AFF4: variants seen among roughly 807,000 people sequenced by gnomAD.
The protein encoded by AFF4 is ALF transcription elongation factor 4, also known as AF4/FMR2 family member 4.
Under a neutral mutation model 124.8 loss-of-function variants are expected in AFF4, and 13 were observed. That is an observed-to-expected ratio of 0.10 (90% CI 0.07 to 0.17). The LOEUF is 0.17. Ranked by LOEUF, AFF4 falls within the 10% of genes least tolerant of loss-of-function variation. The pLI, the probability that AFF4 is intolerant of heterozygous loss-of-function variation, is 1.00. For synonymous variants in AFF4, 477 were observed against 496.1 expected, an observed-to-expected ratio of 0.96 and a Z score of 0.51; for missense variants, 1,092 against 1,403.8, an observed-to-expected ratio of 0.78 and a Z score of 3.55.
intron 1 of AFF4, among the ~76,000 whole-genome samples, chr5:132,952,848 AG>A (rs1257015687): frequency 6.6e-6 from 1 of 152,176 alleles, no homozygotes; most frequent in Non-Finnish European, 1.5e-5. Context: ...CAATGAGCCA[AG>A]ATCGTACCAC....
At chr5:132,898,547 G>A (rs1330337343) in intron 9 of AFF4, among the ~76,000 whole-genome samples, 155 bp from the exon 10 acceptor site, 10 of 151,352 alleles carry the variant, frequency 6.6e-5, no homozygotes, top group Admixed American at 1.3e-4. Flanking sequence ...GCAGTGGCAC[G>A]ATCTCAGCTC....
rs909367798 is a variant in AFF4 at position 132,911,805 on chromosome 5, A to G, written c.1051-7401T>C. The stretch of plus-strand genomic sequence containing the variant: ...ACTACAGGAGAACGTATCATAACTG[A>G]ACAGATTAAAAGCAATGATTAAAAA... On this transcript the variant is annotated intron_variant, in intron 5 of 20. Transcript: ENST00000265343. Among the ~76,000 whole-genome samples, 3 of 151,810 alleles carry G rather than the reference A, an allele frequency of 2.0e-5. No homozygotes were observed. The South Asian group carries it at 6.2e-4, about 32-fold the overall frequency.
chr5:132,923,434 T>C (rs1761100529), intron 5 of AFF4, among the ~76,000 whole-genome samples: 1 of 148,432 alleles, frequency 6.7e-6, no homozygotes, highest in South Asian at 2.2e-4. Context: ...AGTCAGTGAG[T>C]GAGTGAGTTA....
chr5:132,942,179 C>T (rs1761585830), intron 1 of AFF4, among the ~76,000 whole-genome samples: 2 of 152,182 alleles, frequency 1.3e-5, no homozygotes, highest in African/African-American at 2.4e-5. Context: ...TTTACCTGTG[C>T]TTCTGACCAA....
At chr5:132,919,708 G>A (rs1278507501) in intron 5 of AFF4, among the ~76,000 whole-genome samples, 1 of 152,030 alleles carries the variant, frequency 6.6e-6, no homozygotes, top group Non-Finnish European at 1.5e-5. Context: ...AAATTAGCCG[G>A]GTGTGGTGGC....
chr5:132,954,709 G>A (rs1008223178), intron 1 of AFF4, among the ~76,000 whole-genome samples: 2 of 151,722 alleles, frequency 1.3e-5, no homozygotes, highest in African/African-American at 4.8e-5. Context: ...CACTACGCCT[G>A]GCTAATTTTT....
At position 132,876,267 on chromosome 5, in the gene AFF4, G is replaced by C. The variant is rs1467055988; in HGVS notation, c.*4792C>G. The C allele has an allele frequency of 1.7e-5, 3 of 177,728 alleles. No individual in the cohort carries two copies. Among genetic ancestry groups the C allele is most frequent in the Non-Finnish European group, 1.2e-5 (1 of 86,550 alleles). 11.0% of individuals were successfully genotyped at this position (177,728 alleles called of 1,614,324 possible). On this transcript the variant is annotated 3_prime_UTR_variant, in exon 21 of 21. Coordinates refer to ENST00000265343, the MANE Select transcript of AFF4 (RefSeq NM_014423.4). The stretch of plus-strand genomic sequence containing the variant: ...ATGATTTGCCAGGTGTGTGCATAAA[G>C]TTGTAAAATGGGGACACTTCTGGAA...
At chr5:132,953,899 T>C (rs968103564) in intron 1 of AFF4, among the ~76,000 whole-genome samples, 3 of 152,226 alleles carry the variant, frequency 2.0e-5, no homozygotes, top group African/African-American at 7.2e-5. Flanking sequence ...GTAATCTTTC[T>C]AAGACACAAG....
chr5:132,890,227 TTA>T (rs1180870909), intron 13 of AFF4, among the ~76,000 whole-genome samples: 1 of 151,926 alleles, frequency 6.6e-6, no homozygotes, highest in African/African-American at 2.4e-5. Context: ...TTTCTGAATA[TTA>T]TGTTGTACTG....
chr5:132,948,633 T>C (rs191151327), intron 1 of AFF4: 104 of 170,442 alleles, frequency 6.1e-4, no homozygotes, highest in African/African-American at 2.3e-3. Flanking sequence ...TTTTGGCTGA[T>C]TGCAATTTTG....
intron 4 of AFF4, chr5:132,927,578 T>C (rs949326940): frequency 9.2e-6 from 2 of 218,568 alleles, no homozygotes; most frequent in Non-Finnish European, 1.8e-5. Context: ...GTACCTTGAA[T>C]GGGCCAGACA....
In AFF4 at chr5:132,934,231, T is replaced by A. The variant is rs753431397; in HGVS notation, c.834A>T (p.Gln278His). ...GCTCAGTCATGCTGTTGCCATGGGA[T>A]TGGCTGCTGTAGTGCTCAGAGGACA... ...PKLSSEHYSS[Q>H]SHGNSMTELK... The change falls in exon 3 of 21, where the codon CAA (glutamine) becomes CAT (histidine). Residue 278 changes from glutamine to histidine, a missense_variant. By Grantham distance (24) the Gln-to-His change is conservative. Coordinates refer to ENST00000265343, the MANE Select transcript of AFF4 (RefSeq NM_014423.4). 2 of 1,614,166 alleles carry A rather than the reference T, an allele frequency of 1.2e-6. No homozygotes were observed. Among genetic ancestry groups the A allele is most frequent in the Admixed American group, 3.3e-5 (2 of 60,008 alleles).
intron 1 of AFF4, among the ~76,000 whole-genome samples, chr5:132,949,209 CTTTT>C (rs368713051): frequency 1.6e-4 from 18 of 112,198 alleles, no homozygotes; most frequent in Admixed American, 2.9e-4. Context: ...TTATTTCTGC[CTTTT>C]TTTTTTTTTT....
intron 1 of AFF4, chr5:132,945,038 G>C (rs1761665949): frequency 5.1e-6 from 1 of 196,880 alleles, no homozygotes. Context: ...AGAAAGCTCG[G>C]AAGACTAAAT....
chr5:132,922,295 TG>T (rs1266625314), intron 5 of AFF4, among the ~76,000 whole-genome samples: 2 of 152,132 alleles, frequency 1.3e-5, no homozygotes, highest in African/African-American at 4.8e-5. Flanking sequence ...GGCATGCACC[TG>T]TAGTCCCAGC....
chr5:132,923,728 G>C (rs1761106883), intron 5 of AFF4, among the ~76,000 whole-genome samples: 1 of 152,118 alleles, frequency 6.6e-6, no homozygotes, highest in African/African-American at 2.4e-5. Flanking sequence ...CAAGACCTCA[G>C]TCTCTAAAAA....
intron 7 of AFF4, chr5:132,901,253 C>A: frequency 1.6e-6 from 1 of 632,740 alleles, no homozygotes. Context: ...CAGGGCCCTG[C>A]ACGCTTTTGT....
intron 5 of AFF4, among the ~76,000 whole-genome samples, chr5:132,917,986 G>C (rs1385153274): frequency 6.6e-6 from 1 of 150,894 alleles, no homozygotes; most frequent in Non-Finnish European, 1.5e-5. Context: ...CCAAAGTGCT[G>C]GGATTACAGG....
Position 132,897,114 on chromosome 5 carries a change from C to A in AFF4, c.1516G>T (p.Gly506Cys). Residue 506 changes from glycine to cysteine, a missense_variant, in exon 11 of 21, where the codon GGC (glycine) becomes TGC (cysteine). Coordinates refer to ENST00000265343, the MANE Select transcript of AFF4 (RefSeq NM_014423.4). ...CTATTCCCAGTGCCCTGCTCTCGGC[C>A]TTCCTTTTTGTAGCCTTGAGATGAT... ...IPSSQGYKKE[G>C]REQGTGNSYT... The A allele has an allele frequency of 6.2e-7, 1 of 1,614,154 alleles. No individual in the cohort carries two copies. The highest frequency in any genetic ancestry group is 8.5e-7 in the Non-Finnish European group (1 of 1,180,026).
Sources: allele counts gnomAD v4.1 joint callset (sites outside exome capture counted in the v4.1 genomes callset), GRCh38; gene constraint gnomAD v4.1.1; transcripts MANE v1.5; gene names NCBI Gene and HGNC (gene_info 2026-07-23, HGNC 2026-07-21).